CSNK1G3: variants seen among roughly 807,000 people sequenced by gnomAD.
The protein encoded by CSNK1G3 is casein kinase I isoform gamma-3.
A neutral mutation model predicts 64.3 loss-of-function variants in CSNK1G3; 23 were observed. The ratio of observed to expected loss-of-function variants is 0.36; its 90% confidence interval spans 0.26 to 0.51. CSNK1G3 has a LOEUF of 0.51. Among genes scored for constraint, CSNK1G3 ranks in the 20% least tolerant of loss-of-function variants. The pLI, the probability that CSNK1G3 is intolerant of heterozygous loss-of-function variation, is 0.96. For synonymous variants in CSNK1G3, 158 were observed against 162.2 expected (o/e 0.97, Z 0.20); for missense variants, 357 against 510.5 (o/e 0.70, Z 2.90).
At chr5:123,524,536 G>A (rs902634871) in intron 1 of CSNK1G3, among the ~76,000 whole-genome samples, 3 of 151,898 alleles carry the variant, frequency 2.0e-5, no homozygotes, top group Admixed American at 1.3e-4. Flanking sequence ...TTAAGACTTC[G>A]TTTCAAGTAT....
chr5:123,529,973 C>T (rs1351711203), intron 1 of CSNK1G3, among the ~76,000 whole-genome samples: 1 of 151,310 alleles, frequency 6.6e-6, no homozygotes, highest in African/African-American at 2.4e-5. Flanking sequence ...CCTGTCTCTA[C>T]AAAAAATACA....
intron 4 of CSNK1G3, among the ~76,000 whole-genome samples, chr5:123,570,562 G>T (rs1787895940): frequency 6.6e-6 from 1 of 151,998 alleles, no homozygotes; most frequent in African/African-American, 2.4e-5. Context: ...CACCATGTGG[G>T]CCAGGCTGGT....
intron 4 of CSNK1G3, among the ~76,000 whole-genome samples, chr5:123,559,001 AT>A (rs1785156307): frequency 1.3e-5 from 2 of 152,140 alleles, no homozygotes; most frequent in African/African-American, 4.8e-5. Flanking sequence ...TTCTTAAGAG[AT>A]TCTGGAGGTT....
At chr5:123,580,554 G>C (rs758196800) in intron 6 of CSNK1G3, among the ~76,000 whole-genome samples, 34 of 151,848 alleles carry the variant, frequency 2.2e-4, no homozygotes, top group Non-Finnish European at 4.3e-4. Flanking sequence ...AAAGCTTTAT[G>C]TTACAGATGT....
At chr5:123,591,440 A>T (rs747777550) in intron 10 of CSNK1G3, 26 bp downstream of exon 10, 94 of 1,468,020 alleles carry the variant, frequency 6.4e-5, no homozygotes, top group Non-Finnish European at 8.3e-5. Context: ...GATATGAAAT[A>T]CCTTCCTTTC....
At chr5:123,533,839 A>G (rs1198225727) in intron 1 of CSNK1G3, among the ~76,000 whole-genome samples, 13 of 149,664 alleles carry the variant, frequency 8.7e-5, no homozygotes, top group Middle Eastern at 3.4e-3. Context: ...ATTTTTTGGA[A>G]GAGGGTGTTT....
chr5:123,611,735 G>A (rs879481766), intron 12 of CSNK1G3, among the ~76,000 whole-genome samples: 8 of 152,138 alleles, frequency 5.3e-5, no homozygotes, highest in Non-Finnish European at 1.0e-4. Context: ...TAAGAATAGT[G>A]AACATTATTA....
intron 3 of CSNK1G3, among the ~76,000 whole-genome samples, chr5:123,553,389 C>T (rs184183520): frequency 1.3e-5 from 2 of 152,266 alleles, no homozygotes; most frequent in Admixed American, 6.5e-5. Flanking sequence ...ACTTTGGCAG[C>T]ATTGTAGAAC....
intron 3 of CSNK1G3, among the ~76,000 whole-genome samples, chr5:123,555,291 C>T (rs988791962): frequency 3.3e-5 from 5 of 152,062 alleles, no homozygotes; most frequent in Middle Eastern, 3.2e-3. Context: ...TCCAAAATAT[C>T]GGAAGGACAG....
At chr5:123,533,116 CTT>C in intron 1 of CSNK1G3, among the ~76,000 whole-genome samples, 1 of 151,848 alleles carries the variant, frequency 6.6e-6, no homozygotes, top group South Asian at 2.1e-4. Flanking sequence ...ACCATTGACA[CTT>C]TAAATAATGT....
intron 6 of CSNK1G3, among the ~76,000 whole-genome samples, chr5:123,583,443 C>G (rs1460572460): frequency 1.3e-5 from 2 of 152,118 alleles, no homozygotes; most frequent in African/African-American, 4.8e-5. Context: ...TCACCACAAC[C>G]TCCGCCTCCC....
At chr5:123,589,705 TTGTC>T (rs773519922) in intron 8 of CSNK1G3, among the ~76,000 whole-genome samples, 2 of 152,142 alleles carry the variant, frequency 1.3e-5, no homozygotes, top group Admixed American at 6.6e-5. Flanking sequence ...ATATATTTGT[TTGTC>T]TGTTTGTTTG....
chr5:123,574,388 A>C (rs1243268225), intron 5 of CSNK1G3, among the ~76,000 whole-genome samples: 1 of 152,188 alleles, frequency 6.6e-6, no homozygotes, highest in Non-Finnish European at 1.5e-5. Flanking sequence ...ATGTTTTCAT[A>C]GGTACTTAAA....
At chr5:123,577,132 T>C (rs1397598539) in intron 6 of CSNK1G3, among the ~76,000 whole-genome samples, 1 of 152,120 alleles carries the variant, frequency 6.6e-6, no homozygotes, top group Non-Finnish European at 1.5e-5. Context: ...TTCTCATGAA[T>C]CTTTGAGTAC....
chr5:123,514,896 T>C (rs1338668519), intron 1 of CSNK1G3, among the ~76,000 whole-genome samples: 1 of 152,128 alleles, frequency 6.6e-6, no homozygotes, highest in Non-Finnish European at 1.5e-5. Context: ...ATGAGTCAGT[T>C]TGAGGCATGA....
At chr5:123,576,947 A>C (rs1049922395) in intron 6 of CSNK1G3, among the ~76,000 whole-genome samples, 2 of 152,134 alleles carry the variant, frequency 1.3e-5, no homozygotes, top group Non-Finnish European at 2.9e-5. Context: ...TAATGTCAGC[A>C]GAAGCTTTAC....
At chr5:123,517,931 GAA>G (rs529062252) in intron 1 of CSNK1G3, among the ~76,000 whole-genome samples, 13 of 106,476 alleles carry the variant, frequency 1.2e-4, no homozygotes, top group South Asian at 3.5e-4. Flanking sequence ...TCCTCTTTAA[GAA>G]AAAAAAAAAA....
At chr5:123,605,156 A>C (rs1795135339) in intron 11 of CSNK1G3, among the ~76,000 whole-genome samples, 183 bp from the exon 13 acceptor site, 1 of 148,656 alleles carries the variant, frequency 6.7e-6, no homozygotes, top group African/African-American at 2.6e-5. Context: ...AAGCATAAGA[A>C]ATTAATTTTA....
intron 8 of CSNK1G3, among the ~76,000 whole-genome samples, chr5:123,589,037 A>G (rs1452191130): frequency 6.6e-6 from 1 of 151,906 alleles, no homozygotes; most frequent in Non-Finnish European, 1.5e-5. Flanking sequence ...AAATTAAGCC[A>G]AAAAAAATTT....
Sources: gnomAD v4.1 joint callset for allele counts (sites outside exome capture counted in the v4.1 genomes callset) on GRCh38, gnomAD v4.1.1 for gene constraint, MANE v1.5 for transcripts, NCBI Gene and HGNC (gene_info 2026-07-23, HGNC 2026-07-21) for gene names.